The following PTCH1 variants were observed in gnomAD, a reference collection of about 807,000 sequenced individuals.
PTCH1 encodes the protein protein patched homolog 1.
In PTCH1, 14 loss-of-function variants were observed where a neutral mutation model predicts 144.6. The ratio of observed to expected loss-of-function variants is 0.10; its 90% CI spans 0.06 to 0.15. The LOEUF (loss-of-function observed/expected upper bound fraction) is 0.15, where lower values mean the gene tolerates loss of function less well. Among genes scored for constraint, PTCH1 ranks in the 10% least tolerant of loss-of-function variants. PTCH1 has a pLI of 1.00. For synonymous variants in PTCH1, 833 were observed against 793.6 expected, an observed-to-expected ratio of 1.05 and a Z score of -0.83; for missense variants, 1,623 against 1,948.3, an observed-to-expected ratio of 0.83 and a Z score of 3.14.
chr9:95,476,091 T>A lies in PTCH1; in HGVS notation c.1671A>T (p.Thr557=), dbSNP rs1564046825. ...GGATTAACGCGGCCATGAAGAAGGC[T>A]GTGACATTGCTGATGGACGTGAGGG... ...SVALTSISNV[T]AFFMAALIPI... Residue 557 remains threonine, a synonymous_variant, in exon 12 of 24, where the codon ACA becomes ACT. Coordinates refer to ENST00000331920, the MANE Select transcript of PTCH1 (RefSeq NM_000264.5). This position sits in a 1 kb window ranked among gnomAD's most constrained non-coding sequence, Gnocchi z 4.6. The A allele has an allele frequency of 6.2e-7, 1 of 1,614,002 alleles. No individual in the cohort carries two copies. Among genetic ancestry groups the A allele is most frequent in the Non-Finnish European group, 8.5e-7 (1 of 1,179,950 alleles).
intron 12 of PTCH1, among the ~76,000 whole-genome samples, chr9:95,473,561 T>C (rs1840769817): frequency 6.6e-6 from 1 of 150,496 alleles, no homozygotes; most frequent in Non-Finnish European, 1.5e-5. Flanking sequence ...TTTTTTTTTT[T>C]TGAGACAGAG....
At chr9:95,464,017 G>A (rs1222324094) in intron 15 of PTCH1, among the ~76,000 whole-genome samples, 2 of 152,178 alleles carry the variant, frequency 1.3e-5, no homozygotes, top group East Asian at 3.8e-4. Flanking sequence ...AAAGACTTCT[G>A]GGACACCCGA....
At chr9:95,475,190 G>A (rs919175076) in intron 12 of PTCH1, among the ~76,000 whole-genome samples, 3 of 152,242 alleles carry the variant, frequency 2.0e-5, no homozygotes, top group African/African-American at 7.2e-5. Flanking sequence ...TACTCCAGGC[G>A]CAGAACGGAC....
chr9:95,507,376 T>A (rs948247399), intron 1 of PTCH1: 34 of 985,326 alleles, frequency 3.5e-5, no homozygotes, highest in Non-Finnish European at 4.1e-5. Flanking sequence ...TCCCCGGCGC[T>A]GGCCGCGGCC....
At chr9:95,474,445 A>G (rs923065416) in intron 12 of PTCH1, among the ~76,000 whole-genome samples, 3 of 152,206 alleles carry the variant, frequency 2.0e-5, no homozygotes, top group African/African-American at 7.2e-5. Context: ...GCAATCAGAG[A>G]GAGTTTCCTT....
At position 95,478,078 on chromosome 9, in the gene PTCH1, C is replaced by T. The variant is rs759493890; in HGVS notation, c.1324G>A (p.Val442Met). The change falls in exon 9 of 24, where the codon GTG becomes ATG. Residue 442 changes from valine (V) to methionine (M), a missense_variant. Val to Met is a conservative substitution (Grantham distance 21, BLOSUM62 1). This residue lies in a region of PTCH1 where 230 missense variants were observed against 271.0 expected (regional missense o/e 0.85). Coordinates refer to ENST00000331920, the MANE Select transcript of PTCH1 (RefSeq NM_000264.5). Reference sequence around the variant, plus strand: ...ACCATGAGTAAGTAGCCGCTGGCCACGCGGATGACACTGACGTCAGAGAAG... The same window carrying T: ...ACCATGAGTAAGTAGCCGCTGGCCATGCGGATGACACTGACGTCAGAGAAG... Reference protein sequence around the residue: ...KSFSDVSVIRVASGYLLMLAY... With the variant: ...KSFSDVSVIRMASGYLLMLAY... 42 of 1,614,170 alleles carry T rather than the reference C, an allele frequency of 2.6e-5. No individual in the cohort carries two copies. The highest frequency in any genetic ancestry group is 1.1e-4 in the South Asian group (10 of 91,076).
chr9:95,452,392 T>A (rs934155933), intron 20 of PTCH1: 7 of 150,350 alleles, frequency 4.7e-5, no homozygotes, highest in Non-Finnish European at 1.0e-4. Context: ...AACAAACCAA[T>A]CATTTCTCAC....
At chr9:95,470,717 G>T (rs960344803) in intron 12 of PTCH1, among the ~76,000 whole-genome samples, 1 of 152,118 alleles carries the variant, frequency 6.6e-6, no homozygotes, top group Non-Finnish European at 1.5e-5. Context: ...CGGCAGAAGG[G>T]GCACCACAGA....
At position 95,479,964 on chromosome 9, in the gene PTCH1, C is replaced by G. The variant is rs372657547; in HGVS notation, c.1067+5G>C. On this transcript the variant is annotated splice_donor_5th_base_variant and intron_variant, in intron 7 of 23. Transcript: ENST00000331920. ...GGCATAGATTGTCCTCGGGAGCTGG[C>G]TTACCTGACGAGTTTTCCAGTGCTG... 4.2e-5 allele frequency: 67 copies of G among 1,614,026 alleles called. No homozygotes were observed. The highest frequency in any genetic ancestry group is 5.3e-5 in the Non-Finnish European group (63 of 1,180,038).
chr9:95,507,622 TCAA>T (rs764851023), intron 1 of PTCH1: 59 of 278,594 alleles, frequency 2.1e-4, no homozygotes, highest in Non-Finnish European at 3.0e-4. Context: ...GATTTCATGC[TCAA>T]CAAAACCAAA....
At chr9:95,470,845 T>C (rs1292175030) in intron 12 of PTCH1, among the ~76,000 whole-genome samples, 1 of 151,856 alleles carries the variant, frequency 6.6e-6, no homozygotes, top group East Asian at 1.9e-4. Flanking sequence ...GAGGCTGAGG[T>C]GGGTGGATCA....
intron 2 of PTCH1, among the ~76,000 whole-genome samples, chr9:95,487,980 C>T (rs907816035): frequency 6.6e-6 from 1 of 152,236 alleles, no homozygotes; most frequent in Non-Finnish European, 1.5e-5. Context: ...CTTGGCAGAG[C>T]AGCCGCCTGT....
rs755787454 is a variant in PTCH1 at position 95,478,125 on chromosome 9, G to A, written c.1277C>T (p.Thr426Ile). ...GAAGGATTTCAGGATGTCGTCCAGG[G>A]TCGTGGTGGTGAAGGAAAGCACCTT... Reference protein sequence around the residue: ...TQKVLSFTTTTLDDILKSFSD... With the variant: ...TQKVLSFTTTILDDILKSFSD... Residue 426 changes from threonine (T) to isoleucine (I), a missense_variant, in exon 9 of 24, where the codon ACC becomes ATC. Transcript: ENST00000331920. The A allele has an allele frequency of 2.5e-6, 4 of 1,614,066 alleles. No individual in the cohort carries two copies. The highest frequency in any genetic ancestry group is 3.4e-6 in the Non-Finnish European group (4 of 1,180,048).
Position 95,453,467 on chromosome 9 carries a change from C to G in PTCH1, c.3449+11G>C. ...TTTCTAAAACATGTCTCCTTGCACA[C>G]GCCTGCTTACCTGACAATGAAGTCG... On this transcript the variant is annotated intron_variant, in intron 20 of 23. Coordinates refer to ENST00000331920, the MANE Select transcript of PTCH1 (RefSeq NM_000264.5). 1 of 1,613,928 alleles carries G rather than the reference C, an allele frequency of 6.2e-7. No individual in the cohort carries two copies. The highest frequency in any genetic ancestry group is 8.5e-7 in the Non-Finnish European group (1 of 1,180,018).
At chr9:95,455,596 T>G (rs1306442481) in intron 19 of PTCH1, among the ~76,000 whole-genome samples, 2 of 152,192 alleles carry the variant, frequency 1.3e-5, no homozygotes, top group African/African-American at 4.8e-5. Context: ...CTTCTGAAGT[T>G]TAATTACCTC....
chr9:95,478,173 C>T lies in PTCH1; in HGVS notation c.1229G>A (p.Ser410Asn). ...CTTTTGAGTGGAGTTCTGTGCGACA[C>T]TCTGATGAACCACCTGTGGTCACAA... is the stretch of plus-strand genomic sequence containing the variant. ...QRTYVEVVHQ[S>N]VAQNSTQKVL... Residue 410 changes from serine (S) to asparagine (N), a missense_variant, in exon 9 of 24, where the codon AGT (serine) becomes AAT (asparagine). Ser to Asn is a conservative substitution (Grantham distance 46). Transcript: ENST00000331920. 1.2e-6 allele frequency: 2 copies of T among 1,614,198 alleles called. No individual in the cohort carries two copies. The highest frequency in any genetic ancestry group is 1.7e-6 in the Non-Finnish European group (2 of 1,180,038).
In PTCH1 at chr9:95,449,661, G is replaced by A. The variant is rs149557961; in HGVS notation, c.3549+180C>T. ...TCAGTTGATTTAGAGGAACCAAACCGAACCCGCCCTCTAGCCCTCAAAGCC... is the reference window on the plus strand; with the variant it reads ...TCAGTTGATTTAGAGGAACCAAACCAAACCCGCCCTCTAGCCCTCAAAGCC... On this transcript the variant is annotated intron_variant, in intron 21 of 23. Transcript: ENST00000331920. This position sits in a 1 kb window ranked among gnomAD's most constrained non-coding sequence, Gnocchi z 5.3. 3.1e-4 allele frequency: 219 copies of A among 718,018 alleles called. No individual in the cohort carries two copies. In the East Asian group the frequency reaches 5.6e-3, roughly 18 times the overall value. 44.5% of individuals were successfully genotyped at this position (718,018 alleles called of 1,614,324 possible). A position where few individuals can be genotyped will look rare whatever the true frequency, so the allele number is the denominator to read the frequency against.
intron 3 of PTCH1, chr9:95,484,025 TG>T (rs1033566368): frequency 8.5e-5 from 13 of 152,240 alleles, no homozygotes; most frequent in African/African-American, 3.1e-4. Context: ...AAACATGGGA[TG>T]GGTTGAACTA....
At chr9:95,475,425 G>T (rs1202004853) in intron 12 of PTCH1, among the ~76,000 whole-genome samples, 3 of 152,142 alleles carry the variant, frequency 2.0e-5, no homozygotes, top group Admixed American at 2.0e-4. Context: ...AAAGAGAAGA[G>T]GGGACAGGAA....
Sources: gnomAD v4.1 joint callset for allele counts (sites outside exome capture counted in the v4.1 genomes callset) on GRCh38, gnomAD v4.1.1 for gene constraint, gnomAD v4.1.1 regional missense constraint, Gnocchi (gnomAD v3.1) non-coding constraint, MANE v1.5 for transcripts, NCBI Gene and HGNC (gene_info 2026-07-23, HGNC 2026-07-21) for gene names.